AHI1: variants seen among roughly 807,000 people sequenced by gnomAD.
The protein encoded by AHI1 is jouberin.
In AHI1, 123 loss-of-function variants were observed where a neutral mutation model predicts 149.3. That is an observed-to-expected ratio of 0.82 (90% CI 0.71 to 0.96). The LOEUF (loss-of-function observed/expected upper bound fraction) is 0.96, where lower values mean the gene tolerates loss of function less well. AHI1 is among the 40% of genes least tolerant of loss of function. AHI1 has a pLI of 0.00. For synonymous variants in AHI1, 475 were observed against 459.8 expected (o/e 1.03, Z -0.42); for missense variants, 1,439 against 1,422.7 (o/e 1.01, Z -0.18).
chr6:135,371,239 T>A (rs1401400591), intron 23 of AHI1, among the ~76,000 whole-genome samples: 2 of 152,238 alleles, frequency 1.3e-5, no homozygotes, highest in East Asian at 3.8e-4. Context: ...CATTGAATTG[T>A]CATTTGGTTA....
At chr6:135,301,890 A>T (rs1225007569) in intron 26 of AHI1, 1 of 985,344 alleles carries the variant, frequency 1.0e-6, no homozygotes, top group African/African-American at 1.7e-5. Context: ...AAAATCATCA[A>T]AACCTCAGAA....
At chr6:135,434,193 A>G (rs186284502) in intron 15 of AHI1, among the ~76,000 whole-genome samples, 1 of 151,858 alleles carries the variant, frequency 6.6e-6, no homozygotes, top group East Asian at 1.9e-4. Context: ...GATTACTGAT[A>G]AGAGAAAAAA....
chr6:135,464,101 G>A (rs749940470), intron 7 of AHI1, among the ~76,000 whole-genome samples: 25 of 151,628 alleles, frequency 1.6e-4, no homozygotes, highest in South Asian at 2.1e-4. Context: ...AGAAAAACCA[G>A]CCTACTAACA....
intron 5 of AHI1, among the ~76,000 whole-genome samples, chr6:135,476,163 T>C (rs1583432125): frequency 6.6e-6 from 1 of 152,182 alleles, no homozygotes; most frequent in East Asian, 1.9e-4. Context: ...TCATTTTTAG[T>C]TAGTTCAAAA....
At chr6:135,365,702 G>C (rs933939370) in intron 23 of AHI1, among the ~76,000 whole-genome samples, 3 of 152,156 alleles carry the variant, frequency 2.0e-5, no homozygotes, top group Admixed American at 6.5e-5. Context: ...TCAGATCTAG[G>C]AGCTTTTTGG....
At chr6:135,406,622 T>C (rs1780834603) in intron 21 of AHI1, among the ~76,000 whole-genome samples, 4 of 152,234 alleles carry the variant, frequency 2.6e-5, no homozygotes, top group Admixed American at 2.6e-4. Flanking sequence ...TATACGGTGG[T>C]ATCTCCTGTG....
rs199612496 is a variant in AHI1, at chr6:135,490,676, G to T, written c.82C>A (p.Arg28Ser). The stretch of plus-strand genomic sequence containing the variant: ...TTTTTCTTCAGTTTTTTCTTTTCAC[G>T]CATTAGATCACTGTGGGTCTTAAGC... The part of the protein sequence containing the change: ...ELLKTHSDLM[R>S]EKKKLKKKLV... Residue 28 changes from arginine to serine, a missense_variant, in exon 5 of 29, where the codon CGT becomes AGT. Coordinates refer to ENST00000265602, the MANE Select transcript of AHI1 (RefSeq NM_001134831.2). 1 of 1,613,114 alleles carries T rather than the reference G, an allele frequency of 6.2e-7. No homozygotes were observed. Among genetic ancestry groups the T allele is most frequent in the South Asian group, 1.1e-5 (1 of 91,038 alleles).
intron 21 of AHI1, among the ~76,000 whole-genome samples, chr6:135,406,635 G>A (rs771527785): frequency 1.3e-5 from 2 of 152,130 alleles, no homozygotes; most frequent in African/African-American, 2.4e-5. Flanking sequence ...CTCCTGTGGG[G>A]TAGAGAAAAT....
chr6:135,484,095 A>G (rs1025251591), intron 5 of AHI1, among the ~76,000 whole-genome samples: 1 of 152,046 alleles, frequency 6.6e-6, no homozygotes, highest in Non-Finnish European at 1.5e-5. Context: ...GGTGGCAGAC[A>G]AAGAGAGAGC....
At position 135,319,448 on chromosome 6, in the gene AHI1, C is replaced by G. The variant is rs1461510126; in HGVS notation, c.3329-832G>C. ...CAAGACAGCGCCACTGCACTCCAGC[C>G]TGGGAGACAGGGCGAGACTCTGTCT... is the stretch of plus-strand genomic sequence containing the variant. On this transcript the variant is annotated intron_variant, in intron 25 of 28. Coordinates refer to ENST00000265602, the MANE Select transcript of AHI1 (RefSeq NM_001134831.2). Among the ~76,000 whole-genome samples, 4 of 152,080 alleles carry G rather than the reference C, an allele frequency of 2.6e-5. No homozygotes were observed. The East Asian group carries it at 7.7e-4, about 29-fold the overall frequency.
At chr6:135,295,812 G>T (rs952405871) in intron 27 of AHI1, among the ~76,000 whole-genome samples, 3 of 152,130 alleles carry the variant, frequency 2.0e-5, no homozygotes, top group Admixed American at 6.5e-5. Flanking sequence ...TGGTTCATGG[G>T]TATTTACCCA....
intron 23 of AHI1, among the ~76,000 whole-genome samples, chr6:135,386,511 C>T (rs1410333908): frequency 2.0e-5 from 3 of 152,086 alleles, no homozygotes; most frequent in Non-Finnish European, 4.4e-5. Flanking sequence ...GGGGTTTCAC[C>T]GTGTTAGCCA....
chr6:135,290,446 C>G lies in AHI1; in HGVS notation c.3565G>C (p.Gly1189Arg), dbSNP rs774732509. 3 of 1,608,780 alleles carry G rather than the reference C, an allele frequency of 1.9e-6. No individual in the cohort carries two copies. The highest frequency in any genetic ancestry group is 2.6e-6 in the Non-Finnish European group (3 of 1,175,210). Residue 1189 changes from glycine (G) to arginine (R), a missense_variant, in exon 28 of 29, where the codon GGC becomes CGC. Coordinates refer to ENST00000265602, the MANE Select transcript of AHI1 (RefSeq NM_001134831.2). ...ACCTCTATTAGAGTGACTTTTCTGC[C>G]TGCTTGCTTGTTCTTCCTCATCCGT... ...DTRMRKNKQA[G>R]RKVTLIE
At chr6:135,298,705 A>C (rs1282841066) in intron 27 of AHI1, among the ~76,000 whole-genome samples, 1 of 152,164 alleles carries the variant, frequency 6.6e-6, no homozygotes. Flanking sequence ...TTCTCATGAA[A>C]ATTTTTATTT....
intron 21 of AHI1, among the ~76,000 whole-genome samples, chr6:135,408,974 T>C (rs528874900): frequency 2.0e-5 from 3 of 152,266 alleles, no homozygotes; most frequent in South Asian, 4.1e-4. Context: ...TCATGATCTA[T>C]TTTCCAATTT....
chr6:135,329,849 G>C (rs1170729335), intron 24 of AHI1, among the ~76,000 whole-genome samples: 1 of 152,124 alleles, frequency 6.6e-6, no homozygotes, highest in Admixed American at 6.5e-5. Context: ...CATTAACAGG[G>C]GTGTGGAAGG....
intron 26 of AHI1, among the ~76,000 whole-genome samples, chr6:135,317,100 C>G (rs1026767296): frequency 6.6e-6 from 1 of 152,076 alleles, no homozygotes; most frequent in East Asian, 1.9e-4. Flanking sequence ...CTCCATCCCC[C>G]CTAGTTCAGG....
chr6:135,364,757 C>T lies in AHI1; in HGVS notation c.3110-6570G>A, dbSNP rs574980177. On this transcript the variant is annotated intron_variant, in intron 23 of 28. Transcript: ENST00000265602. ...AAATACGAAAACCAGTCAGGCGTGG[C>T]GGCGCACGCCTGCAATCGCAGGCAC... is the stretch of plus-strand genomic sequence containing the variant. Among the ~76,000 whole-genome samples, 143 of 152,370 alleles carry T rather than the reference C, an allele frequency of 9.4e-4. 2 individuals carry two copies. The highest frequency in any genetic ancestry group is 3.1e-3 in the African/African-American group (127 of 41,584).
intron 23 of AHI1, among the ~76,000 whole-genome samples, chr6:135,359,642 G>A (rs556820306): frequency 3.3e-4 from 51 of 152,252 alleles, no homozygotes; most frequent in Non-Finnish European, 2.1e-4. Flanking sequence ...TGCAAACACT[G>A]AGAATAGTGT....
Sources: allele counts gnomAD v4.1 joint callset (sites outside exome capture counted in the v4.1 genomes callset), GRCh38; gene constraint gnomAD v4.1.1; transcripts MANE v1.5; gene names NCBI Gene and HGNC (gene_info 2026-07-23, HGNC 2026-07-21).